CDC42BPA: variants seen among roughly 807,000 people sequenced by gnomAD.
CDC42BPA encodes CDC42 binding protein kinase alpha, also known as serine/threonine-protein kinase MRCK alpha.
Under a neutral mutation model 223.5 loss-of-function variants are expected in CDC42BPA, and 80 were observed. The ratio of observed to expected loss-of-function variants is 0.36; its 90% CI spans 0.30 to 0.43. CDC42BPA has a LOEUF of 0.43. Among genes scored for constraint, CDC42BPA ranks in the 20% least tolerant of loss-of-function variants. The pLI is 1.00. For missense variants in CDC42BPA, 1,743 were observed against 2,099.9 expected (o/e 0.83, Z 3.32); for synonymous variants, 694 against 718.6 (o/e 0.97, Z 0.55).
intron 15 of CDC42BPA, among the ~76,000 whole-genome samples, chr1:227,094,251 A>C (rs1231168804): frequency 6.6e-6 from 1 of 152,208 alleles, no homozygotes; most frequent in Non-Finnish European, 1.5e-5. Flanking sequence ...GAGGTATTTA[A>C]AATGTGAGAG....
chr1:227,114,017 C>CAAAAAAAAAAAA (rs374913161), intron 12 of CDC42BPA, among the ~76,000 whole-genome samples: 1 of 120,336 alleles, frequency 8.3e-6, no homozygotes. Context: ...GACTCCAACT[C>CAAAAAAAAAAAA]AAAAAAAAAG....
intron 5 of CDC42BPA, among the ~76,000 whole-genome samples, chr1:227,161,684 T>C (rs1663925654): frequency 6.6e-6 from 1 of 152,212 alleles, no homozygotes; most frequent in East Asian, 1.9e-4. Flanking sequence ...AATAAAGTTT[T>C]ATTGAAACAC....
At chr1:227,084,722 T>C (rs1447383974) in intron 16 of CDC42BPA, among the ~76,000 whole-genome samples, 1 of 152,074 alleles carries the variant, frequency 6.6e-6, no homozygotes, top group African/African-American at 2.4e-5. Flanking sequence ...GAGTTGCTCC[T>C]AGAGGATCTA....
intron 30 of CDC42BPA, among the ~76,000 whole-genome samples, chr1:227,027,036 T>C (rs143686014): frequency 1.0e-3 from 159 of 152,272 alleles, no homozygotes; most frequent in African/African-American, 3.7e-3. Context: ...CAAGCGATCC[T>C]CCTGCCTCAG....
chr1:227,049,195 C>T (rs986780130), intron 22 of CDC42BPA, among the ~76,000 whole-genome samples: 5 of 151,606 alleles, frequency 3.3e-5, no homozygotes, highest in African/African-American at 9.7e-5. Context: ...GAAACAAAGT[C>T]GTCAAATTTA....
chr1:227,168,497 G>GTTTTTTTGTTTTTTTTTT (rs1665478978), intron 5 of CDC42BPA, among the ~76,000 whole-genome samples: 1 of 80,194 alleles, frequency 1.2e-5, no homozygotes, highest in Non-Finnish European at 2.4e-5. Context: ...CTTCCCTGGT[G>GTTTTTTTGTTTTTTTTTT]TTTTTTTTTT....
chr1:227,087,212 C>T (rs1221564624), intron 16 of CDC42BPA, among the ~76,000 whole-genome samples: 1 of 150,122 alleles, frequency 6.7e-6, no homozygotes, highest in Non-Finnish European at 1.5e-5. Flanking sequence ...GATTGTGATC[C>T]ACTTTGAGTT....
At chr1:227,079,858 AG>A (rs1243646463) in intron 17 of CDC42BPA, among the ~76,000 whole-genome samples, 5 of 148,330 alleles carry the variant, frequency 3.4e-5, no homozygotes, top group African/African-American at 1.2e-4. Context: ...TTTGGATTTC[AG>A]GTTTTTTTTT....
intron 6 of CDC42BPA, among the ~76,000 whole-genome samples, chr1:227,154,978 C>T (rs1354220168): frequency 5.9e-5 from 9 of 152,066 alleles, no homozygotes; most frequent in Non-Finnish European, 1.5e-5. Flanking sequence ...AAACACCTCA[C>T]CATCAGAAAT....
chr1:227,137,170 G>T (rs1362401896), intron 10 of CDC42BPA, among the ~76,000 whole-genome samples: 1 of 152,036 alleles, frequency 6.6e-6, no homozygotes, highest in East Asian at 1.9e-4. Context: ...TTAAGAAAAA[G>T]ATATATAAAG....
At chr1:227,226,433 T>A (rs915389169) in intron 2 of CDC42BPA, among the ~76,000 whole-genome samples, 48 of 152,200 alleles carry the variant, frequency 3.2e-4, no homozygotes, top group African/African-American at 1.2e-3. Context: ...CTCACCTCCT[T>A]ACAGCTCAAA....
chr1:227,199,386 T>C (rs1417898875), intron 4 of CDC42BPA, among the ~76,000 whole-genome samples, 171 bp downstream of exon 4: 2 of 152,010 alleles, frequency 1.3e-5, no homozygotes, highest in Admixed American at 6.6e-5. Flanking sequence ...TGAAAAGGTA[T>C]CAAATTTCCA....
At chr1:227,008,367 A>AATT (rs1399686623) in intron 34 of CDC42BPA, among the ~76,000 whole-genome samples, 1 of 152,244 alleles carries the variant, frequency 6.6e-6, no homozygotes, top group African/African-American at 2.4e-5. Context: ...CTTCTTTGCT[A>AATT]TAATATGGTA....
intron 32 of CDC42BPA, among the ~76,000 whole-genome samples, chr1:227,018,197 C>T (rs570858309): frequency 2.4e-3 from 363 of 152,048 alleles, no homozygotes; most frequent in Non-Finnish European, 3.5e-3. Flanking sequence ...CAGGCACATG[C>T]GCCACCATGC....
At chr1:227,234,663 T>A (rs1480328264) in intron 2 of CDC42BPA, 3 of 152,216 alleles carry the variant, frequency 2.0e-5, no homozygotes, top group African/African-American at 7.2e-5. Flanking sequence ...CCCTATTCTA[T>A]CCACCACGTG....
chr1:227,168,497 G>GTGTTTTTTTTTTT (rs1302291274), intron 5 of CDC42BPA, among the ~76,000 whole-genome samples: 1,623 of 80,116 alleles, frequency 0.02, 96 homozygotes, highest in African/African-American at 0.03. Context: ...CTTCCCTGGT[G>GTGTTTTTTTTTTT]TTTTTTTTTT....
chr1:227,289,943 G>A (rs562759001), intron 1 of CDC42BPA, among the ~76,000 whole-genome samples: 60 of 150,244 alleles, frequency 4.0e-4, no homozygotes, highest in African/African-American at 1.4e-3. Context: ...CCCAGCTACT[G>A]GGAGGCTCAC....
At position 227,119,879 on chromosome 1, in the gene CDC42BPA, A is replaced by C. The variant is rs778204957; in HGVS notation, c.1572T>G (p.Asp524Glu). Residue 524 changes from aspartate to glutamate, a missense_variant, in exon 12 of 37, where the codon GAT becomes GAG. Asp to Glu is a conservative substitution (Grantham distance 45, BLOSUM62 2). Around this residue, in one of 6 missense-constraint regions of CDC42BPA, gnomAD observed 464 missense variants for 488.0 expected, o/e 0.95. Transcript: ENST00000366766. ...EEANAVRQEL[D>E]DAFRQIKAYE... ...AAGCCTTGATTTGTCTAAAAGCATC[A>C]TCTAGTTCTTGCCTCACAGCATTAG... 1.7e-5 allele frequency: 27 copies of C among 1,604,364 alleles called. No individual in the cohort carries two copies. Among genetic ancestry groups the C allele is most frequent in the Non-Finnish European group, 2.3e-5 (27 of 1,175,014 alleles).
chr1:227,304,412 AAAAC>A, intron 1 of CDC42BPA, among the ~76,000 whole-genome samples: 1 of 151,942 alleles, frequency 6.6e-6, no homozygotes. Context: ...TCTCAAAAAA[AAAAC>A]AAAAAAAGAA....
Sources: gnomAD v4.1 joint callset for allele counts (sites outside exome capture counted in the v4.1 genomes callset) on GRCh38, gnomAD v4.1.1 for gene constraint, gnomAD v4.1.1 regional missense constraint, MANE v1.5 for transcripts, NCBI Gene and HGNC (gene_info 2026-07-23, HGNC 2026-07-21) for gene names.